Variants in KIRREL1 observed in about 807,000 individuals in gnomAD.
KIRREL1 encodes the protein kin of IRRE-like protein 1.
A neutral mutation model predicts 83.3 loss-of-function variants in KIRREL1; 25 were observed. The ratio of observed to expected loss-of-function variants is 0.30; its 90% CI spans 0.22 to 0.42. KIRREL1 has a LOEUF of 0.42. KIRREL1 is among the 10% of genes least tolerant of loss of function. KIRREL1 has a pLI of 1.00. For synonymous variants in KIRREL1, 388 were observed against 410.4 expected (o/e 0.95, Z 0.66); for missense variants, 812 against 1,032.3 (o/e 0.79, Z 2.92).
In KIRREL1 at chr1:158,097,407, A is replaced by G. The variant is rs749253511; in HGVS notation, c.*2287A>G. On this transcript the variant is annotated 3_prime_UTR_variant, in exon 15 of 15. Coordinates refer to ENST00000359209, the MANE Select transcript of KIRREL1 (RefSeq NM_018240.7). ...TTAGCTTAAGTATTAGTTTCATTCT[A>G]CTGAAATGATGGAGAGAGGGCCTAA... is the stretch of plus-strand genomic sequence containing the variant. The G allele has an allele frequency of 7.3e-6, 2 of 275,780 alleles. No homozygotes were observed. Among genetic ancestry groups the G allele is most frequent in the Non-Finnish European group, 1.4e-5 (2 of 143,136 alleles). The allele number at this position is 275,780 out of a possible 1,614,324, so 17.1% of individuals were successfully genotyped here.
At chr1:158,005,805 C>T (rs1659502317) in intron 1 of KIRREL1, among the ~76,000 whole-genome samples, 1 of 152,082 alleles carries the variant, frequency 6.6e-6, no homozygotes, top group Admixed American at 6.5e-5. Flanking sequence ...ATTGTTCAAC[C>T]CACATGATGA....
chr1:158,011,946 T>C (rs988859353), intron 1 of KIRREL1, among the ~76,000 whole-genome samples: 3 of 152,158 alleles, frequency 2.0e-5, no homozygotes, highest in African/African-American at 7.2e-5. Flanking sequence ...TCTCAGTTTC[T>C]TTCTCCATCT....
Position 158,096,381 on chromosome 1 carries a change from T to C in KIRREL1, c.*1261T>C. 1 of 354,972 alleles carries C rather than the reference T, an allele frequency of 2.8e-6. No individual in the cohort carries two copies. Among genetic ancestry groups the C allele is most frequent in the African/African-American group, 2.1e-5 (1 of 46,754 alleles). 22.0% of individuals were successfully genotyped at this position (354,972 alleles called of 1,614,324 possible). On this transcript the variant is annotated 3_prime_UTR_variant, in exon 15 of 15. Coordinates refer to ENST00000359209, the MANE Select transcript of KIRREL1 (RefSeq NM_018240.7). The stretch of plus-strand genomic sequence containing the variant: ...GGTTTTTAAGTGTCTTTTTTTTTTT[T>C]CTTGGACCAATCAGATTCCTTCTTC...
intron 1 of KIRREL1, among the ~76,000 whole-genome samples, chr1:158,038,743 A>T (rs964314526): frequency 6.6e-6 from 1 of 152,186 alleles, no homozygotes; most frequent in African/African-American, 2.4e-5. Flanking sequence ...GGGTCTGAGG[A>T]GACGTGAAAA....
intron 1 of KIRREL1, among the ~76,000 whole-genome samples, chr1:158,064,954 A>AT (rs1661320680): frequency 9.4e-6 from 1 of 106,398 alleles, no homozygotes; most frequent in Non-Finnish European, 1.9e-5. Context: ...TTTTTTTTTA[A>AT]TTTTGAAGTG....
chr1:157,997,653 G>A (rs1002659910), intron 1 of KIRREL1, among the ~76,000 whole-genome samples: 2 of 152,168 alleles, frequency 1.3e-5, no homozygotes, highest in Non-Finnish European at 2.9e-5. Context: ...AGGAGAGAGA[G>A]CAAAAGTGGA....
intron 1 of KIRREL1, among the ~76,000 whole-genome samples, chr1:158,014,566 C>T (rs945230566): frequency 4.0e-5 from 6 of 151,614 alleles, no homozygotes; most frequent in African/African-American, 1.5e-4. Flanking sequence ...ACCACCCTCC[C>T]TGTAATCTTC....
chr1:158,058,501 A>G (rs1463359426), intron 1 of KIRREL1, among the ~76,000 whole-genome samples: 2 of 150,782 alleles, frequency 1.3e-5, no homozygotes, highest in Non-Finnish European at 3.0e-5. Context: ...AAGCTTTTCC[A>G]CCCCCTCCCT....
At position 158,093,684 on chromosome 1, in the gene KIRREL1, A is replaced by G; in HGVS notation, c.1641A>G (p.Pro547=). Residue 547 remains proline (P), a synonymous_variant, in exon 13 of 15, where the codon CCA becomes CCG. Coordinates refer to ENST00000359209, the MANE Select transcript of KIRREL1 (RefSeq NM_018240.7). ...DIKVETVNRE[P]LTMHSDREDD... ...AGGTGGAGACAGTGAACCGAGAGCC[A>G]CTTACGATGCATTCTGACCGGGAGG... The G allele has an allele frequency of 6.2e-7, 1 of 1,614,172 alleles. No homozygotes were observed. Among genetic ancestry groups the G allele is most frequent in the South Asian group, 1.1e-5 (1 of 91,068 alleles).
intron 1 of KIRREL1, among the ~76,000 whole-genome samples, chr1:158,013,037 T>C (rs565966409): frequency 6.6e-6 from 1 of 152,168 alleles, no homozygotes; most frequent in South Asian, 2.1e-4. Context: ...GGAAGTAAAA[T>C]TGCCCCAAGT....
intron 1 of KIRREL1, among the ~76,000 whole-genome samples, chr1:158,028,682 T>C (rs1660238068): frequency 6.6e-6 from 1 of 152,230 alleles, no homozygotes; most frequent in Non-Finnish European, 1.5e-5. Context: ...TTAACTTATG[T>C]AACTGAAAAC....
At chr1:158,045,711 A>G (rs1660761579) in intron 1 of KIRREL1, among the ~76,000 whole-genome samples, 1 of 152,166 alleles carries the variant, frequency 6.6e-6, no homozygotes, top group African/African-American at 2.4e-5. Flanking sequence ...TTGGCATGTG[A>G]TTGAATTCAG....
At chr1:158,047,271 C>T (rs1346751655) in intron 1 of KIRREL1, among the ~76,000 whole-genome samples, 1 of 152,130 alleles carries the variant, frequency 6.6e-6, no homozygotes, top group Non-Finnish European at 1.5e-5. Context: ...CAGGGGTCGT[C>T]ATGATGAAGA....
chr1:158,025,918 G>A (rs1472385610), intron 1 of KIRREL1, among the ~76,000 whole-genome samples: 3 of 152,004 alleles, frequency 2.0e-5, no homozygotes, highest in Non-Finnish European at 4.4e-5. Flanking sequence ...AGGGCTGGGG[G>A]AGGTGGCGTG....
intron 3 of KIRREL1, among the ~76,000 whole-genome samples, chr1:158,078,469 G>A (rs1313434580): frequency 2.0e-5 from 3 of 152,084 alleles, no homozygotes; most frequent in Non-Finnish European, 2.9e-5. Flanking sequence ...GGAGACCCGG[G>A]CCCTCCTTTC....
At chr1:158,031,021 G>A (rs1660306473) in intron 1 of KIRREL1, 1 of 152,174 alleles carries the variant, frequency 6.6e-6, no homozygotes. Context: ...CAGTAGCATC[G>A]AGGCTGCTGC....
chr1:158,036,244 A>C (rs1041113426), intron 1 of KIRREL1, among the ~76,000 whole-genome samples: 7 of 152,160 alleles, frequency 4.6e-5, no homozygotes, highest in Non-Finnish European at 8.8e-5. Flanking sequence ...TCATTTCTTT[A>C]TTTATTACTG....
chr1:158,087,624 G>C (rs1662053282), intron 5 of KIRREL1, 131 bp from the exon 6 acceptor site: 1 of 632,198 alleles, frequency 1.6e-6, no homozygotes, highest in Non-Finnish European at 2.8e-6. Flanking sequence ...GTGTTAACTG[G>C]AGCCGATACA....
intron 1 of KIRREL1, among the ~76,000 whole-genome samples, chr1:158,006,842 G>A (rs752425248): frequency 7.0e-4 from 107 of 152,354 alleles, no homozygotes; most frequent in Non-Finnish European, 1.2e-3. Flanking sequence ...AGTGGGCATG[G>A]GGGTGATGGC....
Sources: gnomAD v4.1 joint callset for allele counts (sites outside exome capture counted in the v4.1 genomes callset) on GRCh38, gnomAD v4.1.1 for gene constraint, MANE v1.5 for transcripts, NCBI Gene and HGNC (gene_info 2026-07-23, HGNC 2026-07-21) for gene names.